The following HERC2 variants were observed in gnomAD, a reference collection of about 807,000 sequenced individuals.
The protein encoded by HERC2 is HECT and RLD domain containing E3 ubiquitin protein ligase 2, also known as E3 ubiquitin-protein ligase HERC2.
Under a neutral mutation model 537.7 loss-of-function variants are expected in HERC2, and 102 were observed. The observed-to-expected ratio is 0.19, with a 90% confidence interval of 0.16 to 0.22. The LOEUF is 0.22. Ranked by LOEUF, HERC2 falls within the 10% of genes least tolerant of loss-of-function variation. The pLI, the probability that HERC2 is intolerant of heterozygous loss-of-function variation, is 1.00. For synonymous variants in HERC2, 2,224 were observed against 2,466.2 expected (o/e 0.90, Z 2.91); for missense variants, 4,236 against 6,198.2 (o/e 0.68, Z 10.63).
Position 28,290,326 on chromosome 15 carries a change from C to T in HERC2, c.322+2562G>A, listed in dbSNP as rs186176563. ...ACTTTTTTTTTTTGAGATGTAGTCT[C>T]GCTTTGTCACCCAGACTAAAGTGCA... is the stretch of plus-strand genomic sequence containing the variant. On this transcript the variant is annotated intron_variant, in intron 4 of 92. Coordinates refer to ENST00000261609, the MANE Select transcript of HERC2 (RefSeq NM_004667.6). 3.7e-4 allele frequency among the ~76,000 whole-genome samples: 57 copies of T among 152,008 alleles called. 1 individual carries two copies. The East Asian group carries it at 6.6e-3, about 18-fold the overall frequency.
chr15:28,130,466 G>A (rs1283649268), intron 82 of HERC2, 37 bp downstream of exon 82: 1 of 1,586,598 alleles, frequency 6.3e-7, no homozygotes. Flanking sequence ...ATAAAAATCT[G>A]GTTTTAGTGG....
rs577832145 is a variant in HERC2, at chr15:28,252,217, C to T, written c.3050+2123G>A. On this transcript the variant is annotated intron_variant, in intron 20 of 92. Coordinates refer to ENST00000261609, the MANE Select transcript of HERC2 (RefSeq NM_004667.6). ...GCAAACGGTGTTGAGTGTAGCCAGA[C>T]GGGCCAGCGCAGGCTACACAGCTGC... 3.7e-4 allele frequency among the ~76,000 whole-genome samples: 57 copies of T among 152,194 alleles called. 1 individual carries two copies. Among genetic ancestry groups the T allele is most frequent in the East Asian group, 2.9e-3 (15 of 5,182 alleles).
chr15:28,202,392 G>A lies in HERC2; in HGVS notation c.7435C>T (p.Leu2479=), dbSNP rs1898006457. The A allele has an allele frequency of 1.2e-6, 2 of 1,613,360 alleles. No homozygotes were observed. The highest frequency in any genetic ancestry group is 1.3e-5 in the African/African-American group (1 of 74,854). The change falls in exon 46 of 93, where the codon CTG becomes TTG. Residue 2479 remains leucine (L), a synonymous_variant. Coordinates refer to ENST00000261609, the MANE Select transcript of HERC2 (RefSeq NM_004667.6). ...GFSRRNIEFA[L]KSLTGASGNA... is the part of the protein sequence containing the mutation. ...CCGGAAGCACCAGTGAGAGACTTCAGGGCAAACTCGATGTTCCTTCTGGAA... is the reference window on the plus strand; with the variant it reads ...CCGGAAGCACCAGTGAGAGACTTCAAGGCAAACTCGATGTTCCTTCTGGAA...
Position 28,268,709 on chromosome 15 carries a change from C to T in HERC2, c.1447-93G>A, listed in dbSNP as rs1408599683. 12 of 1,045,370 alleles carry T rather than the reference C, an allele frequency of 1.1e-5. No homozygotes were observed. In the Admixed American group the frequency reaches 2.6e-4, roughly 23 times the overall value. The allele number at this position is 1,045,370 out of a possible 1,614,324, so 64.8% of individuals were successfully genotyped here. A position where few individuals can be genotyped will look rare whatever the true frequency, so the allele number is the denominator to read the frequency against. On this transcript the variant is annotated intron_variant, in intron 11 of 92. Coordinates refer to ENST00000261609, the MANE Select transcript of HERC2 (RefSeq NM_004667.6). This position sits in a 1 kb window ranked among gnomAD's most constrained non-coding sequence, Gnocchi z 4.7. ...CGTTATCATGTATCCCCAAGCAAAG[C>T]CTGCTGTAACTCCAAGTGGGGCATA...
intron 35 of HERC2, among the ~76,000 whole-genome samples, chr15:28,222,632 C>T (rs1900644603): frequency 1.3e-5 from 2 of 152,218 alleles, no homozygotes; most frequent in South Asian, 2.1e-4. Flanking sequence ...ACAGCTGGCC[C>T]GAGATACAAC....
intron 31 of HERC2, among the ~76,000 whole-genome samples, 199 bp downstream of exon 31, chr15:28,230,168 A>G (rs891052314): frequency 2.6e-5 from 4 of 152,068 alleles, no homozygotes; most frequent in Non-Finnish European, 4.4e-5. Context: ...ACAATCTAAT[A>G]CCAAAAATAA....
At chr15:28,313,892 CG>C (rs1238063099) in intron 2 of HERC2, among the ~76,000 whole-genome samples, 2 of 152,194 alleles carry the variant, frequency 1.3e-5, no homozygotes, top group African/African-American at 4.8e-5. Context: ...AGAAGCAAAA[CG>C]GAGCTTCTGA....
At chr15:28,291,187 TCCTATAATAA>T (rs1417424060) in intron 4 of HERC2, among the ~76,000 whole-genome samples, 4 of 152,176 alleles carry the variant, frequency 2.6e-5, no homozygotes, top group African/African-American at 7.2e-5. Context: ...ACTGTGCTGA[TCCTATAATAA>T]CCTACGAGGT....
intron 34 of HERC2, among the ~76,000 whole-genome samples, chr15:28,228,733 T>C (rs1901514667): frequency 6.6e-6 from 1 of 152,266 alleles, no homozygotes; most frequent in South Asian, 2.1e-4. Context: ...TGCTGCACGA[T>C]GGGCCTACCC....
chr15:28,301,699 T>A (rs181843697), intron 2 of HERC2, among the ~76,000 whole-genome samples: 7,153 of 134,166 alleles, frequency 0.053, 624 homozygotes, highest in East Asian at 0.37. Context: ...TTTTTTTTTT[T>A]AAACTTCTGT....
Position 28,160,401 on chromosome 15 carries a change from G to A in HERC2, c.10746+2693C>T, listed in dbSNP as rs183600456. Among the ~76,000 whole-genome samples the A allele has an allele frequency of 2.3e-3, 349 of 152,292 alleles. 1 individual carries two copies. Among genetic ancestry groups the A allele is most frequent in the African/African-American group, 7.9e-3 (330 of 41,562 alleles). On this transcript the variant is annotated intron_variant, in intron 69 of 92. Transcript: ENST00000261609. ...TCCACCCAGTTTCAGCTTCCGGGCC[G>A]CTTTGTTTACCTACTCAAGCCTCAG...
Position 28,280,062 on chromosome 15 carries a change from T to C in HERC2, c.542+6A>G. 6.2e-7 allele frequency: 1 copy of C among 1,605,772 alleles called. No individual in the cohort carries two copies. Among genetic ancestry groups the C allele is most frequent in the Non-Finnish European group, 8.5e-7 (1 of 1,174,294 alleles). On this transcript the variant is annotated splice_donor_region_variant and intron_variant, in intron 5 of 92. Transcript: ENST00000261609. ...CATCAGGATTCTTTCTTCGCTTTAT[T>C]GTTACCTTTTTTTGTCCACAGGAGG... is the stretch of plus-strand genomic sequence containing the variant.
At chr15:28,185,184 T>C (rs536721594) in intron 56 of HERC2, among the ~76,000 whole-genome samples, 1 of 149,376 alleles carries the variant, frequency 6.7e-6, no homozygotes, top group Admixed American at 6.6e-5. Context: ...CACAGAGCCC[T>C]AGAATAACCT....
chr15:28,164,853 G>A (rs1161257731), intron 68 of HERC2, among the ~76,000 whole-genome samples: 2 of 152,150 alleles, frequency 1.3e-5, no homozygotes, highest in African/African-American at 4.8e-5. Context: ...CTCAAACCAG[G>A]AGACTGCCAA....
chr15:28,290,267 T>C (rs2076276825), intron 4 of HERC2, among the ~76,000 whole-genome samples: 1 of 152,114 alleles, frequency 6.6e-6, no homozygotes, highest in South Asian at 2.1e-4. Context: ...ACTATCAACT[T>C]GATCTCATTA....
At chr15:28,298,424 G>A (rs2076529831) in intron 3 of HERC2, 1 of 151,276 alleles carries the variant, frequency 6.6e-6, no homozygotes, top group Admixed American at 6.6e-5. Flanking sequence ...CAAAGTGCTG[G>A]AATTACAGGC....
chr15:28,154,093 G>T (rs1463531014), intron 69 of HERC2, among the ~76,000 whole-genome samples: 1 of 152,134 alleles, frequency 6.6e-6, no homozygotes, highest in Non-Finnish European at 1.5e-5. Context: ...GTTAAGAGTG[G>T]TGATTATAAA....
At chr15:28,210,382 C>T (rs542761170) in intron 44 of HERC2, among the ~76,000 whole-genome samples, 5 of 152,268 alleles carry the variant, frequency 3.3e-5, no homozygotes, top group African/African-American at 1.2e-4. Context: ...ATCCGCCGCC[C>T]GCCTCGGCCT....
At chr15:28,185,135 GTTTC>G (rs1896182409) in intron 56 of HERC2, among the ~76,000 whole-genome samples, 1 of 151,308 alleles carries the variant, frequency 6.6e-6, no homozygotes, top group Admixed American at 6.6e-5. Context: ...TCTACACAAA[GTTTC>G]TGAAATAAAA....
Sources: allele counts gnomAD v4.1 joint callset (sites outside exome capture counted in the v4.1 genomes callset), GRCh38; gene constraint gnomAD v4.1.1; non-coding constraint Gnocchi (gnomAD v3.1); transcripts MANE v1.5; gene names NCBI Gene and HGNC (gene_info 2026-07-23, HGNC 2026-07-21).